Variants in PCLO observed in about 807,000 individuals in gnomAD.
PCLO encodes piccolo presynaptic cytomatrix protein, also known as protein piccolo.
Under a neutral mutation model 427.5 loss-of-function variants are expected in PCLO, and 82 were observed. That is an observed-to-expected ratio of 0.19 (90% CI 0.16 to 0.23). The LOEUF is 0.23. Ranked by LOEUF, PCLO falls within the 10% of genes least tolerant of loss-of-function variation. The probability of loss-of-function intolerance (pLI) is 1.00; values close to 1 mark genes in which losing one functional copy is unlikely to be tolerated. For missense variants in PCLO, 6,239 were observed against 6,115.9 expected, an observed-to-expected ratio of 1.02 and a Z score of -0.67; for synonymous variants, 2,357 against 2,155.4, an observed-to-expected ratio of 1.09 and a Z score of -2.59.
At chr7:83,003,964 T>C (rs1044423098) in intron 3 of PCLO, among the ~76,000 whole-genome samples, 1 of 151,790 alleles carries the variant, frequency 6.6e-6, no homozygotes, top group East Asian at 1.9e-4. Flanking sequence ...CCCATGAAGT[T>C]ATCTGGTATT....
intron 6 of PCLO, among the ~76,000 whole-genome samples, chr7:82,934,826 A>G (rs1412829054): frequency 6.6e-6 from 1 of 151,670 alleles, no homozygotes; most frequent in Non-Finnish European, 1.5e-5. Context: ...ATATGATAGC[A>G]CTTACATAAA....
intron 20 of PCLO, chr7:82,821,842 T>C (rs1791799911): frequency 9.2e-6 from 9 of 982,256 alleles, no homozygotes; most frequent in Non-Finnish European, 1.1e-5. Flanking sequence ...TAATTTAATG[T>C]AGTTTTTTGA....
At position 82,966,337 on chromosome 7, in the gene PCLO, G is replaced by C. The variant is rs201837844; in HGVS notation, c.3451C>G (p.Pro1151Ala). ...TTTTTCACTAATTTTACTTGGGGAG[G>C]CACTGCTGTTTTCTGAGATGATGAT... ...TESSSQKTAV[P>A]PQVKLVKKQE... The change falls in exon 4 of 25, where the codon CCT (proline) becomes GCT (alanine). Residue 1151 changes from proline to alanine, a missense_variant. Around this residue, in one of 5 missense-constraint regions of PCLO, gnomAD observed 4,677 missense variants for 4,468.4 expected, o/e 1.05. Coordinates refer to ENST00000333891, the MANE Select transcript of PCLO (RefSeq NM_033026.6). The C allele has an allele frequency of 2.1e-4, 346 of 1,613,704 alleles. 1 individual carries two copies. The highest frequency in any genetic ancestry group is 2.7e-4 in the Non-Finnish European group (320 of 1,179,848).
intron 1 of PCLO, among the ~76,000 whole-genome samples, chr7:83,156,978 G>A (rs1170264326): frequency 6.6e-6 from 1 of 152,098 alleles, no homozygotes. Flanking sequence ...AATAAGGGGA[G>A]TTTCTGATAA....
intron 3 of PCLO, among the ~76,000 whole-genome samples, chr7:83,124,350 T>C (rs1791370083): frequency 7.7e-6 from 1 of 130,216 alleles, no homozygotes; most frequent in Admixed American, 8.2e-5. Flanking sequence ...CGAGACTCCG[T>C]CTCAAAAAAA....
chr7:83,016,785 C>T (rs1005649437), intron 3 of PCLO, among the ~76,000 whole-genome samples: 2 of 152,002 alleles, frequency 1.3e-5, no homozygotes, highest in African/African-American at 2.4e-5. Flanking sequence ...ATGGACGCTG[C>T]GTACTGGGTT....
chr7:82,949,638 A>G lies in PCLO; in HGVS notation c.10950T>C (p.Asp3650=). The change falls in exon 6 of 25, where the codon GAT becomes GAC. Residue 3650 remains aspartate, a synonymous_variant. Coordinates refer to ENST00000333891, the MANE Select transcript of PCLO (RefSeq NM_033026.6). The part of the protein sequence containing the change: ...FVPYEKPLPD[D]ISPQKVLHPD... The stretch of plus-strand genomic sequence containing the variant: ...GATGCAGTACTTTCTGTGGACTTAT[A>G]TCATCAGGGAGGGGTTTTTCATAAG... The G allele has an allele frequency of 6.2e-7, 1 of 1,613,836 alleles. No homozygotes were observed. Among genetic ancestry groups the G allele is most frequent in the Non-Finnish European group, 8.5e-7 (1 of 1,179,844 alleles).
chr7:82,878,329 C>T (rs1417486814), intron 10 of PCLO, among the ~76,000 whole-genome samples: 2 of 152,068 alleles, frequency 1.3e-5, no homozygotes, highest in African/African-American at 4.8e-5. Flanking sequence ...GAGAAAATCA[C>T]AGTGAGTCAT....
chr7:82,934,742 G>A (rs918786225), intron 6 of PCLO, among the ~76,000 whole-genome samples: 21 of 151,442 alleles, frequency 1.4e-4, no homozygotes, highest in African/African-American at 1.9e-4. Context: ...TTTGCTCTAA[G>A]AGAAACAGAA....
chr7:82,845,616 T>G, intron 12 of PCLO, 131 bp from the exon 13 acceptor site: 2 of 647,858 alleles, frequency 3.1e-6, no homozygotes, highest in Middle Eastern at 2.6e-4. Context: ...AAAATGAAAT[T>G]AACTCTATTG....
intron 6 of PCLO, among the ~76,000 whole-genome samples, chr7:82,923,661 T>A (rs1672823673): frequency 1.3e-5 from 2 of 152,080 alleles, no homozygotes; most frequent in Non-Finnish European, 2.9e-5. Flanking sequence ...GCACTCCATG[T>A]AGATAACATA....
chr7:82,821,146 C>G, intron 20 of PCLO: 1 of 1,015,262 alleles, frequency 9.8e-7, no homozygotes, highest in Non-Finnish European at 1.2e-6. Flanking sequence ...CAGACATCAC[C>G]TTCCTGAGGG....
intron 20 of PCLO, among the ~76,000 whole-genome samples, chr7:82,817,404 C>T (rs1791699302): frequency 6.6e-6 from 1 of 152,094 alleles, no homozygotes; most frequent in Admixed American, 6.6e-5. Context: ...TTTACAGAAA[C>T]AGGGAAGGCT....
chr7:83,038,011 A>ATATATATT (rs1788845702), intron 3 of PCLO, among the ~76,000 whole-genome samples: 1 of 44,972 alleles, frequency 2.2e-5, no homozygotes, highest in African/African-American at 1.5e-4. Flanking sequence ...ATATATATAT[A>ATATATATT]TATATATATA....
chr7:83,155,082 G>A lies in PCLO; in HGVS notation c.1559C>T (p.Ser520Leu). Residue 520 changes from serine (S) to leucine (L), a missense_variant, in exon 2 of 25, where the codon TCA becomes TTA. Physicochemically the swap from Ser to Leu is moderately radical, Grantham distance 145 (BLOSUM62 -2). This residue lies in a region of PCLO where 4,677 missense variants were observed against 4,468.4 expected (regional missense o/e 1.05). Coordinates refer to ENST00000333891, the MANE Select transcript of PCLO (RefSeq NM_033026.6). ...PPQQPGPAKP[S>L]PQQPGSTKPP... The stretch of plus-strand genomic sequence containing the variant: ...TTTTGTTGAGCCAGGCTGTTGAGGT[G>A]AGGGCTTTGCTGGGCCAGGCTGTTG... 1 of 1,605,830 alleles carries A rather than the reference G, an allele frequency of 6.2e-7. No homozygotes were observed. Among genetic ancestry groups the A allele is most frequent in the South Asian group, 1.1e-5 (1 of 89,910 alleles).
Position 83,134,386 on chromosome 7 carries a change from G to C in PCLO, c.3164C>G (p.Pro1055Arg). ...LPTKLEKSPKPESTCPLCKTE... is the reference protein window; with the variant it reads ...LPTKLEKSPKRESTCPLCKTE... ...TTTGCAGAGAGGACAGGTTGATTCT[G>C]GTTTGGGCGATTTCTCCAGTTTTGT... The change falls in exon 3 of 25, where the codon CCA becomes CGA. Residue 1055 changes from proline to arginine, a missense_variant. By Grantham distance (103) the Pro-to-Arg change is moderately radical. Transcript: ENST00000333891. 1 of 1,613,746 alleles carries C rather than the reference G, an allele frequency of 6.2e-7. No homozygotes were observed. The highest frequency in any genetic ancestry group is 1.1e-5 in the South Asian group (1 of 91,044).
intron 9 of PCLO, among the ~76,000 whole-genome samples, chr7:82,892,092 G>A (rs572720160): frequency 1.2e-4 from 18 of 151,872 alleles, no homozygotes; most frequent in South Asian, 4.2e-4. Context: ...AGTTCATATG[G>A]AACCAAAAAA....
chr7:83,134,238 T>TATAA lies in PCLO; in HGVS notation c.3300+11_3300+12insTTAT, dbSNP rs1180720332. The TATAA allele has an allele frequency of 1.0e-6, 1 of 975,348 alleles. No individual in the cohort carries two copies. Among genetic ancestry groups the TATAA allele is most frequent in the Non-Finnish European group, 1.5e-6 (1 of 677,632 alleles). The allele number at this position is 975,348 out of a possible 1,614,324, so 60.4% of individuals were successfully genotyped here. A position where few individuals can be genotyped will look rare whatever the true frequency, so the allele number is the denominator to read the frequency against. On this transcript the variant is annotated intron_variant, in intron 3 of 24. Coordinates refer to ENST00000333891, the MANE Select transcript of PCLO (RefSeq NM_033026.6). ...TATGTAATATATATATATATATATA[T>TATAA]ATATAACTTACCTCAGTCAAATGTG...
intron 9 of PCLO, among the ~76,000 whole-genome samples, 168 bp from the exon 10 acceptor site, chr7:82,879,630 T>C (rs1327954935): frequency 7.9e-5 from 12 of 152,188 alleles, no homozygotes; most frequent in Admixed American, 7.9e-4. Context: ...TTTGATAATA[T>C]AAAATAGGAT....
Sources: gnomAD v4.1 joint callset for allele counts (sites outside exome capture counted in the v4.1 genomes callset) on GRCh38, gnomAD v4.1.1 for gene constraint, gnomAD v4.1.1 regional missense constraint, MANE v1.5 for transcripts, NCBI Gene and HGNC (gene_info 2026-07-23, HGNC 2026-07-21) for gene names.